Variants in HSPG2 observed in about 807,000 individuals in gnomAD.
HSPG2 encodes the protein basement membrane-specific heparan sulfate proteoglycan core protein.
HSPG2 carries 278 observed loss-of-function variants against 526.6 expected under a neutral mutation model. That is an observed-to-expected ratio of 0.53 (90% CI 0.48 to 0.58). HSPG2 has a LOEUF of 0.58. HSPG2 is among the 20% of genes least tolerant of loss of function. The probability of loss-of-function intolerance (pLI) is 0.00; values close to 1 mark genes in which losing one functional copy is unlikely to be tolerated. For missense variants in HSPG2, 5,354 were observed against 6,099.5 expected (o/e 0.88, Z 4.07); for synonymous variants, 2,465 against 2,555.4 (o/e 0.96, Z 1.07).
intron 64 of HSPG2, 67 bp from the exon 65 acceptor site, chr1:21,844,366 G>A: frequency 6.5e-7 from 1 of 1,532,898 alleles, no homozygotes; most frequent in South Asian, 1.2e-5. Flanking sequence ...TTCCCCTGGG[G>A]CCCAGATACT....
At position 21,895,850 on chromosome 1, in the gene HSPG2, G is replaced by T; in HGVS notation, c.244+72C>A. 2 of 1,448,220 alleles carry T rather than the reference G, an allele frequency of 1.4e-6. No individual in the cohort carries two copies. The highest frequency in any genetic ancestry group is 1.9e-6 in the Non-Finnish European group (2 of 1,030,346). The allele number at this position is 1,448,220 out of a possible 1,614,324, so 89.7% of individuals were successfully genotyped here. A position where few individuals can be genotyped will look rare whatever the true frequency, so the allele number is the denominator to read the frequency against. On this transcript the variant is annotated intron_variant, in intron 3 of 96. Coordinates refer to ENST00000374695, the MANE Select transcript of HSPG2 (RefSeq NM_005529.7). The surrounding 1 kb of genome is among the most constrained non-coding windows in gnomAD (Gnocchi z 4.1). The stretch of plus-strand genomic sequence containing the variant: ...CCAGGGCAGGCCCAAGGAGCCCTCA[G>T]CCCAGGAGACTGGCTCTGGGGCTTC...
intron 1 of HSPG2, among the ~76,000 whole-genome samples, chr1:21,897,349 G>A (rs893604666): frequency 1.3e-5 from 2 of 152,156 alleles, no homozygotes; most frequent in Admixed American, 6.5e-5. Flanking sequence ...AAATGGTCTC[G>A]CTTTTGAAAA....
At chr1:21,863,955 C>T (rs952823983) in intron 37 of HSPG2, 145 bp downstream of exon 37, 35 of 692,052 alleles carry the variant, frequency 5.1e-5, no homozygotes, top group Non-Finnish European at 8.7e-5. Flanking sequence ...CCCCGGTGAC[C>T]TGGCCTGCTG....
chr1:21,936,804 G>A (rs577832867), intron 1 of HSPG2, among the ~76,000 whole-genome samples: 1 of 152,286 alleles, frequency 6.6e-6, no homozygotes. Flanking sequence ...GTCCTGCCAA[G>A]TTCCCACCCT....
At position 21,881,390 on chromosome 1, in the gene HSPG2, G is replaced by A. The variant is rs1641497489; in HGVS notation, c.1767C>T (p.Phe589=). The change falls in exon 14 of 97, where the codon TTC becomes TTT. Residue 589 remains phenylalanine, a synonymous_variant. Coordinates refer to ENST00000374695, the MANE Select transcript of HSPG2 (RefSeq NM_005529.7). ...EFQLVDLSRR[F]LVHDSFWALP... ...GAGCCCAGAAGGAGTCGTGGACGAG[G>A]AAGCGGCGGGACAGGTCGACTAGCT... The A allele has an allele frequency of 2.5e-6, 4 of 1,614,214 alleles. No individual in the cohort carries two copies. The highest frequency in any genetic ancestry group is 2.5e-6 in the Non-Finnish European group (3 of 1,180,048).
chr1:21,879,668 T>TC (rs397703401), intron 17 of HSPG2, among the ~76,000 whole-genome samples: 3 of 151,492 alleles, frequency 2.0e-5, no homozygotes, highest in Non-Finnish European at 4.4e-5. Context: ...GTTTTTTTTT[T>TC]CTGAGACTGA....
intron 1 of HSPG2, among the ~76,000 whole-genome samples, chr1:21,901,059 G>A (rs916888343): frequency 8.5e-5 from 13 of 152,262 alleles, no homozygotes; most frequent in South Asian, 8.3e-4. Context: ...GATGTCACAT[G>A]CCGGCTGGGC....
chr1:21,876,768 A>T lies in HSPG2; in HGVS notation c.2686-116T>A, dbSNP rs1435546992. On this transcript the variant is annotated intron_variant, in intron 21 of 96. Coordinates refer to ENST00000374695, the MANE Select transcript of HSPG2 (RefSeq NM_005529.7). ...CAAGACCCAGGGGAGCCACTGAAAG[A>T]GCACATGTGGCTGGGCGCGGTGGCT... 9.6e-6 allele frequency: 13 copies of T among 1,358,930 alleles called. No individual in the cohort carries two copies. The Admixed American group carries it at 1.5e-4, about 16-fold the overall frequency. 84.2% of individuals were successfully genotyped at this position (1,358,930 alleles called of 1,614,324 possible).
rs1276772194 is a variant in HSPG2, at chr1:21,854,192, C to T, written c.6439+1G>A. 6.3e-7 allele frequency: 1 copy of T among 1,585,266 alleles called. No homozygotes were observed. The highest frequency in any genetic ancestry group is 8.6e-7 in the Non-Finnish European group (1 of 1,164,618). ...CGGCCCAGCCACACCTGGCTCCTCA[C>T]CTGGGGTGTAGCTGGGGCCAGAATG... On this transcript the variant is annotated splice_donor_variant, in intron 50 of 96. Coordinates refer to ENST00000374695, the MANE Select transcript of HSPG2 (RefSeq NM_005529.7). LOFTEE classifies it high-confidence loss of function.
At chr1:21,842,457 G>C (rs2098052886) in intron 67 of HSPG2, 77 bp from the exon 68 acceptor site, 15 of 1,441,982 alleles carry the variant, frequency 1.0e-5, no homozygotes, top group Non-Finnish European at 1.4e-5. Context: ...AACTGTGCCG[G>C]TACCCAAGAG....
chr1:21,896,707 G>A (rs1642774079), intron 1 of HSPG2, among the ~76,000 whole-genome samples: 1 of 152,122 alleles, frequency 6.6e-6, no homozygotes, highest in Non-Finnish European at 1.5e-5. Context: ...GCACAGGCAG[G>A]TGGAAGGCTG....
rs149520064 is a variant in HSPG2, at chr1:21,831,713, C to T, written c.11291G>A (p.Arg3764His). The T allele has an allele frequency of 3.4e-5, 54 of 1,605,834 alleles. No individual in the cohort carries two copies. The highest frequency in any genetic ancestry group is 3.4e-4 in the East Asian group (15 of 44,624). The change falls in exon 82 of 97, where the codon CGC (arginine) becomes CAC (histidine). Residue 3764 changes from arginine (R) to histidine (H), a missense_variant. Coordinates refer to ENST00000374695, the MANE Select transcript of HSPG2 (RefSeq NM_005529.7). Reference protein sequence around the residue: ...LGHFHTVTLLRSLTQGSLIVG... With the variant: ...LGHFHTVTLLHSLTQGSLIVG... ...AATCAGGGAGCCCTGGGTGAGGCTG[C>T]GCAGCAGGGTCACGGTGTGGAAATG...
intron 28 of HSPG2, 127 bp downstream of exon 28, chr1:21,874,279 G>C: frequency 7.8e-7 from 1 of 1,281,890 alleles, no homozygotes; most frequent in Non-Finnish European, 1.1e-6. Context: ...CACACCAAGT[G>C]ACACTGAGCA....
In HSPG2 at chr1:21,872,057, G is replaced by C. The variant is rs1285704407; in HGVS notation, c.4221+129C>G. 2 of 927,484 alleles carry C rather than the reference G, an allele frequency of 2.2e-6. No homozygotes were observed. The highest frequency in any genetic ancestry group is 3.4e-6 in the Non-Finnish European group (2 of 586,660). The allele number at this position is 927,484 out of a possible 1,614,324, so 57.5% of individuals were successfully genotyped here. ...CTGGGGTTCAGACCAATGTCTATGG[G>C]ACTGCAAAAGCCACGTGCCTAACCA... On this transcript the variant is annotated intron_variant, in intron 33 of 96. Transcript: ENST00000374695. This position sits in a 1 kb window ranked among gnomAD's most constrained non-coding sequence, Gnocchi z 5.5.
intron 64 of HSPG2, 132 bp downstream of exon 64, chr1:21,845,976 A>T: frequency 9.0e-7 from 1 of 1,111,376 alleles, no homozygotes; most frequent in Non-Finnish European, 1.3e-6. Context: ...GGGTGGCGGG[A>T]GGTGAAGTCT....
intron 69 of HSPG2, 24 bp downstream of exon 69, chr1:21,841,978 C>A: frequency 6.2e-7 from 1 of 1,612,326 alleles, no homozygotes. Context: ...CCAGCTTGCC[C>A]ACCTGCCCAC....
intron 1 of HSPG2, among the ~76,000 whole-genome samples, chr1:21,928,435 ATTTG>A (rs890452220): frequency 6.6e-5 from 10 of 152,138 alleles, no homozygotes; most frequent in African/African-American, 1.2e-4. Flanking sequence ...GCTCACTTGA[ATTTG>A]TTTGTTTGTT....
Position 21,864,068 on chromosome 1 carries a change from G to A in HSPG2, c.4740+32C>T. On this transcript the variant is annotated intron_variant, in intron 37 of 96. Transcript: ENST00000374695. This position sits in a 1 kb window ranked among gnomAD's most constrained non-coding sequence, Gnocchi z 4.8. ...TCCCCCACCCAGGCCCAGCTGAGCT[G>A]ACCCCCTGTCCTGGCCTCGCTTGCA... The A allele has an allele frequency of 6.6e-7, 1 of 1,505,874 alleles. No homozygotes were observed. Among genetic ancestry groups the A allele is most frequent in the Non-Finnish European group, 9.0e-7 (1 of 1,107,246 alleles). 93.3% of individuals were successfully genotyped at this position (1,505,874 alleles called of 1,614,324 possible).
At position 21,859,862 on chromosome 1, in the gene HSPG2, G is replaced by A. The variant is rs1639656828; in HGVS notation, c.5155C>T (p.Pro1719Ser). The A allele has an allele frequency of 6.2e-7, 1 of 1,611,484 alleles. No homozygotes were observed. Among genetic ancestry groups the A allele is most frequent in the Non-Finnish European group, 8.5e-7 (1 of 1,179,674 alleles). ...TGATGTCGCTGCTGGGTGCCGCTGG[G>A]CACAGGCCGCCCATCCTCACGGGAC... ...YWSREDGRPV[P>S]SGTQQRHQGS... is the part of the protein sequence containing the mutation. The change falls in exon 41 of 97, where the codon CCC (proline) becomes TCC (serine). Residue 1719 changes from proline to serine, a missense_variant. Pro to Ser is a moderately conservative substitution (Grantham distance 74). Coordinates refer to ENST00000374695, the MANE Select transcript of HSPG2 (RefSeq NM_005529.7). This position sits in a 1 kb window ranked among gnomAD's most constrained non-coding sequence, Gnocchi z 5.3.
Sources: allele counts gnomAD v4.1 joint callset (sites outside exome capture counted in the v4.1 genomes callset), GRCh38; gene constraint gnomAD v4.1.1; non-coding constraint Gnocchi (gnomAD v3.1); transcripts MANE v1.5; gene names NCBI Gene and HGNC (gene_info 2026-07-23, HGNC 2026-07-21).